RPS6KC1: variants seen among roughly 807,000 people sequenced by gnomAD.
RPS6KC1 encodes the protein inactive ribosomal protein S6 kinase delta-1.
A neutral mutation model predicts 103.8 loss-of-function variants in RPS6KC1; 54 were observed. The ratio of observed to expected loss-of-function variants is 0.52; its 90% CI spans 0.42 to 0.65. RPS6KC1 has a LOEUF of 0.65. RPS6KC1 is among the 30% of genes least tolerant of loss of function. The probability of loss-of-function intolerance (pLI) is 0.00; values close to 1 mark genes in which losing one functional copy is unlikely to be tolerated. For synonymous variants in RPS6KC1, 439 were observed against 438.7 expected (o/e 1.00, Z -0.01); for missense variants, 1,151 against 1,253.8 (o/e 0.92, Z 1.24).
the RPS6KC1 span, among the ~76,000 whole-genome samples, chr1:213,564,973 T>C: frequency 2.0e-5 from 3 of 152,210 alleles, no homozygotes; most frequent in African/African-American, 7.2e-5. Flanking sequence ...GCAAAAGTTG[T>C]GAATAAACAC....
the RPS6KC1 span, among the ~76,000 whole-genome samples, chr1:213,397,588 TACACACACACACAC>T: frequency 1.4e-5 from 2 of 140,466 alleles, no homozygotes; most frequent in African/African-American, 2.7e-5. Flanking sequence ...CAGGAACACA[TACACACACACACAC>T]ACACACACAC....
At chr1:213,085,171 G>A (rs1258702991) in intron 3 of RPS6KC1, among the ~76,000 whole-genome samples, 3 of 152,112 alleles carry the variant, frequency 2.0e-5, no homozygotes, top group Admixed American at 6.5e-5. Context: ...TCAGCTTTTC[G>A]TAGCTGCCTA....
At chr1:213,635,600 C>T in the RPS6KC1 span, among the ~76,000 whole-genome samples, 4 of 151,938 alleles carry the variant, frequency 2.6e-5, no homozygotes, top group Admixed American at 2.0e-4. Flanking sequence ...AATAAACTAG[C>T]TATCGATGGA....
chr1:213,272,399 C>A (rs898630574), intron 14 of RPS6KC1, 125 bp from the exon 15 acceptor site: 2 of 695,600 alleles, frequency 2.9e-6, no homozygotes, highest in Non-Finnish European at 2.5e-6. Context: ...AAAATGGTCA[C>A]TTGGCTATTA....
the RPS6KC1 span, among the ~76,000 whole-genome samples, chr1:213,393,161 G>A: frequency 3.3e-5 from 5 of 151,652 alleles, no homozygotes; most frequent in South Asian, 2.1e-4. Context: ...TTTTCTCTTC[G>A]AGTGTCCCCT....
the RPS6KC1 span, among the ~76,000 whole-genome samples, chr1:213,377,420 G>A: frequency 6.6e-6 from 1 of 152,164 alleles, no homozygotes; most frequent in Non-Finnish European, 1.5e-5. Context: ...GTCATTTAGA[G>A]CTGCTCTATT....
At chr1:213,244,655 C>T (rs1369455694) in intron 12 of RPS6KC1, among the ~76,000 whole-genome samples, 1 of 152,180 alleles carries the variant, frequency 6.6e-6, no homozygotes, top group Non-Finnish European at 1.5e-5. Context: ...ATATTACATT[C>T]ATCAACAGAT....
At chr1:213,259,734 A>ATTTTT (rs71147063) in intron 12 of RPS6KC1, among the ~76,000 whole-genome samples, 15 of 97,930 alleles carry the variant, frequency 1.5e-4, no homozygotes, top group African/African-American at 4.2e-4. Flanking sequence ...TGTTTTTTTA[A>ATTTTT]TTTTTTTTTT....
chr1:213,423,575 G>A, the RPS6KC1 span, among the ~76,000 whole-genome samples: 142 of 152,336 alleles, frequency 9.3e-4, no homozygotes, highest in Non-Finnish European at 1.6e-3. Flanking sequence ...GCTCACTGCT[G>A]AAAACTTTAT....
the RPS6KC1 span, among the ~76,000 whole-genome samples, chr1:213,832,106 T>A: frequency 1.3e-5 from 2 of 152,202 alleles, no homozygotes; most frequent in South Asian, 4.1e-4. Flanking sequence ...AGTCAAAAAT[T>A]ATCTGGGTCT....
the RPS6KC1 span, among the ~76,000 whole-genome samples, chr1:213,691,172 C>T: frequency 6.6e-6 from 1 of 152,322 alleles, no homozygotes; most frequent in Non-Finnish European, 1.5e-5. Context: ...AGGGCCACCC[C>T]CAAGGTACCC....
chr1:213,509,572 C>T, the RPS6KC1 span, among the ~76,000 whole-genome samples: 2,023 of 152,246 alleles, frequency 0.013, 45 homozygotes, highest in African/African-American at 0.046. Context: ...TGAACAAATG[C>T]GAAGTCTTTA....
the RPS6KC1 span, among the ~76,000 whole-genome samples, chr1:213,714,976 G>A: frequency 1.3e-5 from 2 of 152,122 alleles, no homozygotes; most frequent in African/African-American, 2.4e-5. Flanking sequence ...TGCATAGAGG[G>A]GCCAATCAAA....
chr1:213,647,572 G>A, the RPS6KC1 span, among the ~76,000 whole-genome samples: 1 of 152,130 alleles, frequency 6.6e-6, no homozygotes, highest in Non-Finnish European at 1.5e-5. Context: ...TGTGTCCTCT[G>A]TAAAATGACA....
the RPS6KC1 span, among the ~76,000 whole-genome samples, chr1:213,435,022 T>A: frequency 3.9e-5 from 6 of 152,176 alleles, no homozygotes; most frequent in South Asian, 2.1e-4. Flanking sequence ...ACTCCTATAA[T>A]TAAGCTGCTT....
At chr1:213,537,617 A>G in the RPS6KC1 span, among the ~76,000 whole-genome samples, 1 of 152,178 alleles carries the variant, frequency 6.6e-6, no homozygotes, top group East Asian at 1.9e-4. Context: ...AGTCTGAGCT[A>G]GAGTCCCAAG....
At chr1:213,384,283 A>AAAAAAT in the RPS6KC1 span, among the ~76,000 whole-genome samples, 2 of 145,204 alleles carry the variant, frequency 1.4e-5, no homozygotes, top group African/African-American at 5.4e-5. Flanking sequence ...CTCAAAAAAA[A>AAAAAAT]ATATATATAT....
Position 213,240,721 on chromosome 1 carries a change from T to C in RPS6KC1, c.1245T>C (p.Tyr415=), listed in dbSNP as rs1172858619. 2 of 1,611,610 alleles carry C rather than the reference T, an allele frequency of 1.2e-6. No individual in the cohort carries two copies. Among genetic ancestry groups the C allele is most frequent in the East Asian group, 2.2e-5 (1 of 44,884 alleles). The change falls in exon 11 of 15, where the codon TAT becomes TAC. Residue 415 remains tyrosine, a synonymous_variant. Coordinates refer to ENST00000366960, the MANE Select transcript of RPS6KC1 (RefSeq NM_012424.6). Reference sequence around the variant, plus strand: ...TCACAGGTGGCAAACTGTGGTCATATATCAGTAAATTTCTAAACAGAAGTC... The same window carrying C: ...TCACAGGTGGCAAACTGTGGTCATACATCAGTAAATTTCTAAACAGAAGTC... The part of the protein sequence containing the change: ...QHAEGGKLWS[Y]ISKFLNRSPE...
At chr1:213,115,436 T>G (rs1018295765) in intron 4 of RPS6KC1, among the ~76,000 whole-genome samples, 12 of 152,216 alleles carry the variant, frequency 7.9e-5, no homozygotes, top group Admixed American at 6.5e-4. Context: ...TATTTGATTC[T>G]TCTCTCTTTT....
Sources: allele counts gnomAD v4.1 joint callset (sites outside exome capture counted in the v4.1 genomes callset), GRCh38; gene constraint gnomAD v4.1.1; transcripts MANE v1.5; gene names NCBI Gene and HGNC (gene_info 2026-07-23, HGNC 2026-07-21).